The following MLLT10 variants were observed in gnomAD, a reference collection of about 807,000 sequenced individuals.
MLLT10 encodes the protein MLLT10 histone lysine methyltransferase DOT1L cofactor.
Under a neutral mutation model 129.1 loss-of-function variants are expected in MLLT10, and 30 were observed. The observed-to-expected ratio is 0.23, with a 90% CI of 0.17 to 0.32. The LOEUF (loss-of-function observed/expected upper bound fraction) is 0.32, where lower values mean the gene tolerates loss of function less well. Among genes scored for constraint, MLLT10 ranks in the 10% least tolerant of loss-of-function variants. The pLI, the probability that MLLT10 is intolerant of heterozygous loss-of-function variation, is 1.00. For missense variants in MLLT10, 1,119 were observed against 1,268.3 expected (o/e 0.88, Z 1.79); for synonymous variants, 490 against 446.4 (o/e 1.10, Z -1.23).
At chr10:21,556,852 T>C in intron 3 of MLLT10, 2 of 1,552,112 alleles carry the variant, frequency 1.3e-6, no homozygotes, top group Non-Finnish European at 1.7e-6. Flanking sequence ...ATATGTCCTT[T>C]CTAGTTTCCA....
intron 3 of MLLT10, chr10:21,556,506 G>A: frequency 1.6e-6 from 1 of 629,602 alleles, no homozygotes; most frequent in South Asian, 2.1e-5. Context: ...TTCTTCAGCT[G>A]CTCCTGGTGT....
intron 13 of MLLT10, among the ~76,000 whole-genome samples, chr10:21,691,720 T>C (rs2053864186): frequency 6.6e-6 from 1 of 152,110 alleles, no homozygotes; most frequent in African/African-American, 2.4e-5. Flanking sequence ...AGAAATTTTA[T>C]ATATTCAGCT....
chr10:21,717,680 C>CTCCTCCTCTTCCTCCTCCTCT (rs1564710949), intron 14 of MLLT10, among the ~76,000 whole-genome samples: 2 of 106,236 alleles, frequency 1.9e-5, no homozygotes, highest in African/African-American at 8.3e-5. Flanking sequence ...CCTCCTCTTC[C>CTCCTCCTCTTCCTCCTCCTCT]TCCTCCTCCT....
chr10:21,583,984 T>G (rs7894565), intron 3 of MLLT10, among the ~76,000 whole-genome samples: 2 of 151,058 alleles, frequency 1.3e-5, no homozygotes, highest in Non-Finnish European at 3.0e-5. Flanking sequence ...ATTCTTCTGC[T>G]TCAGCCTCCC....
intron 14 of MLLT10, among the ~76,000 whole-genome samples, chr10:21,723,473 T>TTGA (rs2057274389): frequency 6.6e-6 from 1 of 152,216 alleles, no homozygotes; most frequent in South Asian, 2.1e-4. Context: ...AAGTGATATA[T>TTGA]TGATATGTCA....
intron 3 of MLLT10, 89 bp from the exon 4 acceptor site, chr10:21,586,205 A>G: frequency 2.0e-6 from 2 of 1,016,910 alleles, no homozygotes; most frequent in Non-Finnish European, 3.0e-6. Flanking sequence ...CTGCTCTCAC[A>G]TTTTCAGTAG....
At chr10:21,652,422 A>G (rs2049135233) in intron 9 of MLLT10, among the ~76,000 whole-genome samples, 2 of 152,202 alleles carry the variant, frequency 1.3e-5, no homozygotes, top group Non-Finnish European at 2.9e-5. Flanking sequence ...ACTCAATTAT[A>G]TCATTTGTAA....
In MLLT10 at chr10:21,693,594, A is replaced by G. The variant is rs77150124; in HGVS notation, c.1699+11337A>G. Among the ~76,000 whole-genome samples, 103 of 152,248 alleles carry G rather than the reference A, an allele frequency of 6.8e-4. 1 individual carries two copies. In the East Asian group the frequency reaches 0.01, roughly 15 times the overall value. On this transcript the variant is annotated intron_variant, in intron 13 of 22. Transcript: ENST00000307729. ...ATTTGTTTATTTTTGTGATATGTCTATGTATGACTTAAGTCTTCCTTGGAC... is the reference window on the plus strand; with the variant it reads ...ATTTGTTTATTTTTGTGATATGTCTGTGTATGACTTAAGTCTTCCTTGGAC...
chr10:21,593,926 TAAAAAAA>T (rs61561146), intron 4 of MLLT10, among the ~76,000 whole-genome samples: 19 of 45,426 alleles, frequency 4.2e-4, no homozygotes, highest in African/African-American at 1.4e-3. Context: ...GCTTTGTCTT[TAAAAAAA>T]AAAAAAAAAA....
At chr10:21,593,926 T>TAAA (rs61561146) in intron 4 of MLLT10, among the ~76,000 whole-genome samples, 1,388 of 45,376 alleles carry the variant, frequency 0.031, 115 homozygotes, top group African/African-American at 0.078. Flanking sequence ...GCTTTGTCTT[T>TAAA]AAAAAAAAAA....
chr10:21,549,258 G>A (rs1047780406), intron 3 of MLLT10, among the ~76,000 whole-genome samples: 2 of 151,916 alleles, frequency 1.3e-5, no homozygotes, highest in African/African-American at 4.8e-5. Context: ...CCAGTAGCTG[G>A]GATTATAGGC....
intron 13 of MLLT10, among the ~76,000 whole-genome samples, chr10:21,698,470 T>A (rs1202225804): frequency 6.6e-6 from 1 of 152,242 alleles, no homozygotes; most frequent in Non-Finnish European, 1.5e-5. Context: ...CATTTGTCCA[T>A]TGAAAAACAC....
rs1564738016 is a variant in MLLT10 at position 21,730,964 on chromosome 10, C to T, written c.2128C>T (p.Pro710Ser). 6.2e-7 allele frequency: 1 copy of T among 1,614,148 alleles called. No homozygotes were observed. The highest frequency in any genetic ancestry group is 8.5e-7 in the Non-Finnish European group (1 of 1,180,002). Residue 710 changes from proline (P) to serine (S), a missense_variant, in exon 17 of 23, where the codon CCT becomes TCT. This residue lies in a region of MLLT10 where 1,004 missense variants were observed against 1,008.7 expected (regional missense o/e 1.00). Coordinates refer to ENST00000307729, the MANE Select transcript of MLLT10 (RefSeq NM_001195626.3). Reference protein sequence around the residue: ...QPGNSSLENLPPVAASIEQLL... With the variant: ...QPGNSSLENLSPVAASIEQLL... ...AGGCAACAGCAGTTTGGAAAATCTG[C>T]CTCCAGTAGCAGCCAGCATAGAACA...
At chr10:21,645,026 T>C (rs1275891219) in intron 8 of MLLT10, among the ~76,000 whole-genome samples, 4 of 152,322 alleles carry the variant, frequency 2.6e-5, no homozygotes, top group East Asian at 1.9e-4. Context: ...TTTTTCCTGT[T>C]TCTTCCCTGA....
chr10:21,586,054 G>A (rs116394251), intron 3 of MLLT10, among the ~76,000 whole-genome samples: 2,843 of 152,294 alleles, frequency 0.019, 84 homozygotes, highest in African/African-American at 0.064. Flanking sequence ...GAGCCACCGC[G>A]CCTGGCCCAT....
intron 21 of MLLT10, among the ~76,000 whole-genome samples, chr10:21,736,717 G>C (rs2058396692): frequency 6.6e-6 from 1 of 152,206 alleles, no homozygotes; most frequent in African/African-American, 2.4e-5. Context: ...AGAAAAATAG[G>C]TGTCATGGAC....
chr10:21,642,384 C>T (rs1028104948), intron 8 of MLLT10, among the ~76,000 whole-genome samples: 1 of 151,252 alleles, frequency 6.6e-6, no homozygotes, highest in Non-Finnish European at 1.5e-5. Flanking sequence ...TAGCCGGGCG[C>T]GGTGGCTCAT....
Position 21,673,884 on chromosome 10 carries a change from A to G in MLLT10, c.1586A>G (p.Gln529Arg), listed in dbSNP as rs1304614416. The G allele has an allele frequency of 7.4e-6, 12 of 1,611,030 alleles. No individual in the cohort carries two copies. Among genetic ancestry groups the G allele is most frequent in the East Asian group, 2.2e-5 (1 of 44,880 alleles). ...SPTLLRNGSL[Q>R]SLSVGSSPVG... ...ACATTGCTCAGGAATGGAAGTTTAC[A>G]GAGCCTCAGTGTTGGCTCATCTCCA... Residue 529 changes from glutamine (Q) to arginine (R), a missense_variant, in exon 11 of 23, where the codon CAG becomes CGG. Transcript: ENST00000307729.
At chr10:21,691,169 T>TC (rs1352771508) in intron 13 of MLLT10, among the ~76,000 whole-genome samples, 1 of 152,174 alleles carries the variant, frequency 6.6e-6, no homozygotes, top group Non-Finnish European at 1.5e-5. Context: ...TACTTTTTTT[T>TC]CTCTCTGTGT....
Sources: allele counts gnomAD v4.1 joint callset (sites outside exome capture counted in the v4.1 genomes callset), GRCh38; gene constraint gnomAD v4.1.1; regional missense constraint gnomAD v4.1.1; transcripts MANE v1.5; gene names NCBI Gene and HGNC (gene_info 2026-07-23, HGNC 2026-07-21).